Variants in CWF19L1 observed in about 807,000 individuals in gnomAD.
CWF19L1 encodes the protein CWF19 like cell cycle control factor 1, also known as CWF19-like protein 1.
A neutral mutation model predicts 69.7 loss-of-function variants in CWF19L1; 60 were observed. The ratio of observed to expected loss-of-function variants is 0.86; its 90% CI spans 0.70 to 1.07. The LOEUF is 1.07. Ranked by LOEUF, CWF19L1 falls within the 50% of genes least tolerant of loss-of-function variation. The pLI, the probability that CWF19L1 is intolerant of heterozygous loss-of-function variation, is 0.00. For synonymous variants in CWF19L1, 209 were observed against 222.2 expected (o/e 0.94, Z 0.53); for missense variants, 591 against 638.9 (o/e 0.92, Z 0.81).
chr10:100,236,615 C>T (rs1377579491), intron 12 of CWF19L1, among the ~76,000 whole-genome samples: 1 of 152,014 alleles, frequency 6.6e-6, no homozygotes, highest in Admixed American at 6.6e-5. Context: ...ACTAAAAATA[C>T]AAAAAGTAGC....
chr10:100,248,069 C>T (rs529169136), intron 7 of CWF19L1, among the ~76,000 whole-genome samples: 1 of 152,242 alleles, frequency 6.6e-6, no homozygotes, highest in East Asian at 1.9e-4. Context: ...TTGCTTATGG[C>T]TGAGGCTAAC....
At chr10:100,237,976 A>G (rs1294392535) in intron 11 of CWF19L1, 46 bp downstream of exon 11, 2 of 1,550,016 alleles carry the variant, frequency 1.3e-6, no homozygotes, top group Admixed American at 3.3e-5. Flanking sequence ...ACCAATATCA[A>G]AGTCCCCATA....
intron 7 of CWF19L1, chr10:100,248,369 T>C: frequency 2.3e-6 from 2 of 852,026 alleles, no homozygotes; most frequent in Admixed American, 1.8e-5. Context: ...AGCAAAGAGC[T>C]GTCATCTTTG....
chr10:100,249,077 G>A (rs541188675), intron 7 of CWF19L1: 1 of 520,956 alleles, frequency 1.9e-6, no homozygotes, highest in Non-Finnish European at 3.5e-6. Context: ...CCCCTGAGGG[G>A]CCACCCTGCC....
chr10:100,267,416 G>A (rs1031587258), intron 1 of CWF19L1, 155 bp downstream of exon 1: 3 of 985,078 alleles, frequency 3.0e-6, no homozygotes, highest in Non-Finnish European at 3.6e-6. Flanking sequence ...GGTCAGCCCC[G>A]GCCAGGCAAA....
In CWF19L1 at chr10:100,242,673, C is replaced by CAAA. The variant is rs397844633; in HGVS notation, c.1044+1022_1044+1024dup. On this transcript the variant is annotated intron_variant, in intron 10 of 13. Transcript: ENST00000354105. Reference sequence around the variant, plus strand: ...TGGGCAACAGAGCGAGACTCCATCTCAAAAAAAAAAAAAAAAAAATTTCAT... The same window carrying CAAA: ...TGGGCAACAGAGCGAGACTCCATCTCAAAAAAAAAAAAAAAAAAAAAATTTCAT... Among the ~76,000 whole-genome samples, 15 of 88,770 alleles carry CAAA rather than the reference C, an allele frequency of 1.7e-4. No homozygotes were observed. In the Admixed American group the frequency reaches 2.0e-3, roughly 12 times the overall value. The allele number at this position is 88,770 out of a possible 152,430, so 58.2% of individuals were successfully genotyped here.
chr10:100,238,191 T>A lies in CWF19L1; in HGVS notation c.1085A>T (p.His362Leu). The A allele has an allele frequency of 6.2e-7, 1 of 1,614,152 alleles. No individual in the cohort carries two copies. The highest frequency in any genetic ancestry group is 8.5e-7 in the Non-Finnish European group (1 of 1,180,026). ...GTGTCCAATAGGCAGGATGAGGACA[T>A]GGTCATCAGATAAGCCTCCTTTGGC... ...ALAKGGLSDDHVLILPIGHYQ... is the reference protein window; with the variant it reads ...ALAKGGLSDDLVLILPIGHYQ... Residue 362 changes from histidine to leucine, a missense_variant, in exon 11 of 14, where the codon CAT (histidine) becomes CTT (leucine). Physicochemically the swap from His to Leu is moderately conservative, Grantham distance 99. Coordinates refer to ENST00000354105, the MANE Select transcript of CWF19L1 (RefSeq NM_018294.6).
At chr10:100,238,324 A>C (rs994922496) in intron 10 of CWF19L1, 93 bp from the exon 11 acceptor site, 1 of 1,090,274 alleles carries the variant, frequency 9.2e-7, no homozygotes, top group Non-Finnish European at 1.4e-6. Flanking sequence ...CTGAGGGTGT[A>C]GGCGAAAAGT....
At position 100,246,908 on chromosome 10, in the gene CWF19L1, T is replaced by C. The variant is rs1846843372; in HGVS notation, c.736A>G (p.Met246Val). The change falls in exon 8 of 14, where the codon ATG becomes GTG. Residue 246 changes from methionine (M) to valine (V), a missense_variant. Physicochemically the swap from Met to Val is conservative, Grantham distance 21. This residue lies in a region of CWF19L1 where 458 missense variants were observed against 489.3 expected (regional missense o/e 0.94). Coordinates refer to ENST00000354105, the MANE Select transcript of CWF19L1 (RefSeq NM_018294.6). The stretch of plus-strand genomic sequence containing the variant: ...AGTTCTGCTGCATCCATTAGCTTCA[T>C]GGGAACAATACTGAACGCGTAAAGA... ...KYLYAFSIVP[M>V]KLMDAAELVK... 6.2e-7 allele frequency: 1 copy of C among 1,613,588 alleles called. No individual in the cohort carries two copies. Among genetic ancestry groups the C allele is most frequent in the African/African-American group, 1.3e-5 (1 of 75,018 alleles).
Position 100,233,121 on chromosome 10 carries a change from T to C in CWF19L1, c.*106A>G, listed in dbSNP as rs15663. The stretch of plus-strand genomic sequence containing the variant: ...CACAGTTATGCCACTGCAATCCTGC[T>C]TGGGTGACAGAGCGAGACTTTGTCT... On this transcript the variant is annotated 3_prime_UTR_variant, in exon 14 of 14. Coordinates refer to ENST00000354105, the MANE Select transcript of CWF19L1 (RefSeq NM_018294.6). 3 of 1,196,464 alleles carry C rather than the reference T, an allele frequency of 2.5e-6. No homozygotes were observed. Among genetic ancestry groups the C allele is most frequent in the Non-Finnish European group, 3.4e-6 (3 of 877,438 alleles). 74.1% of individuals were successfully genotyped at this position (1,196,464 alleles called of 1,614,324 possible).
At chr10:100,264,829 A>G (rs755249185) in intron 1 of CWF19L1, among the ~76,000 whole-genome samples, 1 of 151,892 alleles carries the variant, frequency 6.6e-6, no homozygotes, top group Non-Finnish European at 1.5e-5. Flanking sequence ...TTGCAACAAA[A>G]CAAGTTTAAA....
At chr10:100,256,150 T>C (rs1294715045) in intron 5 of CWF19L1, 112 bp downstream of exon 5, 5 of 774,328 alleles carry the variant, frequency 6.5e-6, no homozygotes, top group Non-Finnish European at 8.5e-6. Flanking sequence ...AGACTTCTAA[T>C]AAAAGGTACC....
intron 1 of CWF19L1, among the ~76,000 whole-genome samples, chr10:100,262,741 C>A (rs1228687935): frequency 6.6e-6 from 1 of 152,168 alleles, no homozygotes; most frequent in Non-Finnish European, 1.5e-5. Context: ...GTAAGGTAAA[C>A]TGGCCCTACG....
intron 7 of CWF19L1, chr10:100,248,186 A>G: frequency 1.5e-6 from 1 of 651,012 alleles, no homozygotes; most frequent in Admixed American, 2.4e-5. Flanking sequence ...TGGGCAAAAA[A>G]GCTGAAAATA....
chr10:100,236,464 C>T lies in CWF19L1; in HGVS notation c.1374+386G>A, dbSNP rs537339208. On this transcript the variant is annotated intron_variant, in intron 12 of 13. Coordinates refer to ENST00000354105, the MANE Select transcript of CWF19L1 (RefSeq NM_018294.6). ...CTTGATAGCTCAACATGTCAAAAACCTTAGGCTCAACATGTCAAAAACCAG... is the reference window on the plus strand; with the variant it reads ...CTTGATAGCTCAACATGTCAAAAACTTTAGGCTCAACATGTCAAAAACCAG... Among the ~76,000 whole-genome samples the T allele has an allele frequency of 3.3e-5, 5 of 152,192 alleles. No homozygotes were observed. The East Asian group carries it at 9.6e-4, about 29-fold the overall frequency.
In CWF19L1 at chr10:100,260,198, T is replaced by C; in HGVS notation, c.289+20A>G. The C allele has an allele frequency of 6.8e-7, 1 of 1,477,708 alleles. No individual in the cohort carries two copies. The highest frequency in any genetic ancestry group is 1.9e-5 in the Admixed American group (1 of 51,950). 91.5% of individuals were successfully genotyped at this position (1,477,708 alleles called of 1,614,324 possible). On this transcript the variant is annotated intron_variant, in intron 4 of 13. Transcript: ENST00000354105. ...CAAAAAACAAAAAACAAAAAAAAAA[T>C]ACAACAAGTATCAGCTTACCCAGAT...
chr10:100,265,559 C>A, intron 1 of CWF19L1, among the ~76,000 whole-genome samples: 1 of 143,878 alleles, frequency 7.0e-6, no homozygotes, highest in Non-Finnish European at 1.5e-5. Context: ...CTCGCTCTGT[C>A]GCCCAGGCTG....
intron 9 of CWF19L1, among the ~76,000 whole-genome samples, chr10:100,244,378 C>T (rs1320023961): frequency 2.0e-5 from 3 of 152,152 alleles, no homozygotes; most frequent in Non-Finnish European, 2.9e-5. Flanking sequence ...TTTTTTGAGA[C>T]GGAGTCTCGC....
intron 1 of CWF19L1, among the ~76,000 whole-genome samples, chr10:100,267,049 T>A (rs1250846129): frequency 6.6e-6 from 1 of 151,122 alleles, no homozygotes; most frequent in Non-Finnish European, 1.5e-5. Flanking sequence ...CTCCATCTGT[T>A]GCAACACCTA....
Sources: gnomAD v4.1 joint callset for allele counts (sites outside exome capture counted in the v4.1 genomes callset) on GRCh38, gnomAD v4.1.1 for gene constraint, gnomAD v4.1.1 regional missense constraint, MANE v1.5 for transcripts, NCBI Gene and HGNC (gene_info 2026-07-23, HGNC 2026-07-21) for gene names.